Variants in CA5A observed in about 807,000 individuals in gnomAD.
CA5A encodes the protein carbonic anhydrase 5A, mitochondrial.
A neutral mutation model predicts 37.1 loss-of-function variants in CA5A; 28 were observed. The observed-to-expected ratio is 0.75, with a 90% confidence interval of 0.56 to 1.03. The LOEUF (loss-of-function observed/expected upper bound fraction) is 1.03. Among genes scored for constraint, CA5A ranks in the 50% least tolerant of loss-of-function variants. The probability of loss-of-function intolerance (pLI) is 0.00; values close to 1 mark genes in which losing one functional copy is unlikely to be tolerated. For synonymous variants in CA5A, 171 were observed against 158.4 expected, an observed-to-expected ratio of 1.08 and a Z score of -0.60; for missense variants, 444 against 399.9, an observed-to-expected ratio of 1.11 and a Z score of -0.94.
intron 5 of CA5A, chr16:87,893,603 A>T (rs2055757315): frequency 1.4e-6 from 1 of 697,028 alleles, no homozygotes; most frequent in Admixed American, 1.9e-5. Flanking sequence ...ACAAGAGGGG[A>T]AGCTGACAGA....
intron 2 of CA5A, among the ~76,000 whole-genome samples, chr16:87,910,894 C>T (rs2056040666): frequency 6.6e-6 from 1 of 152,022 alleles, no homozygotes. Context: ...GGATTATAGG[C>T]ACCCACCAGC....
At chr16:87,928,526 C>A (rs1376587868) in intron 1 of CA5A, among the ~76,000 whole-genome samples, 1 of 152,042 alleles carries the variant, frequency 6.6e-6, no homozygotes, top group African/African-American at 2.4e-5. Context: ...TGTATATTAT[C>A]TTGTAAGTTG....
intron 3 of CA5A, among the ~76,000 whole-genome samples, chr16:87,904,016 C>A (rs2055920106): frequency 6.6e-6 from 1 of 152,132 alleles, no homozygotes. Flanking sequence ...TCTACTGACT[C>A]CCACTTTGGA....
At chr16:87,898,103 C>T (rs1224349985) in intron 5 of CA5A, among the ~76,000 whole-genome samples, 3 of 152,298 alleles carry the variant, frequency 2.0e-5, no homozygotes, top group East Asian at 3.9e-4. Flanking sequence ...AGGGAGTGAC[C>T]GTGGCAGGCA....
intron 5 of CA5A, among the ~76,000 whole-genome samples, chr16:87,899,919 C>CAAAAAAAAAAAAAAAAAAAAA (rs565557401): frequency 4.3e-5 from 2 of 46,512 alleles, no homozygotes; most frequent in Admixed American, 3.6e-4. Context: ...GATTTTATCT[C>CAAAAAAAAAAAAAAAAAAAAA]AAAAAAAAAA....
intron 2 of CA5A, 144 bp from the exon 3 acceptor site, chr16:87,905,048 G>T (rs1365330214): frequency 7.2e-6 from 5 of 691,036 alleles, no homozygotes; most frequent in Non-Finnish European, 8.1e-6. Context: ...CCAAAGGTGG[G>T]CTCCGTGAAA....
At chr16:87,882,017 G>C (rs1365725259) in intron 4 of CA5A, 1 of 152,222 alleles carries the variant, frequency 6.6e-6, no homozygotes, top group African/African-American at 2.4e-5. Context: ...TGTCAACATG[G>C]GGCCGGTAGA....
chr16:87,889,757 G>A (rs925952596), intron 6 of CA5A, among the ~76,000 whole-genome samples: 1 of 151,878 alleles, frequency 6.6e-6, no homozygotes, highest in African/African-American at 2.4e-5. Flanking sequence ...GGCAAGAAGA[G>A]GGAAACTCCA....
intron 2 of CA5A, among the ~76,000 whole-genome samples, chr16:87,909,298 C>G (rs1187112867): frequency 6.6e-6 from 1 of 152,150 alleles, no homozygotes; most frequent in Non-Finnish European, 1.5e-5. Flanking sequence ...CATCTGCACG[C>G]CTGTACCTGA....
intron 4 of CA5A, 21 bp from the exon 5 acceptor site, chr16:87,901,995 G>A (rs769513594): frequency 1.2e-6 from 2 of 1,611,170 alleles, no homozygotes; most frequent in Non-Finnish European, 1.7e-6. Flanking sequence ...GACAAAGGAG[G>A]GGTTAGCTGC....
At chr16:87,924,102 G>A (rs1476762325) in intron 2 of CA5A, 11 of 985,294 alleles carry the variant, frequency 1.1e-5, no homozygotes, top group African/African-American at 3.5e-5. Context: ...CCTGGTCCCC[G>A]AAGCTGGCCT....
intron 5 of CA5A, among the ~76,000 whole-genome samples, chr16:87,899,812 C>T (rs2055852087): frequency 6.8e-6 from 1 of 147,164 alleles, no homozygotes; most frequent in Admixed American, 7.0e-5. Context: ...TCCAGCTACT[C>T]ATGAGGTTGA....
At chr16:87,882,494 A>G (rs990178723) in intron 4 of CA5A, 1 of 152,238 alleles carries the variant, frequency 6.6e-6, no homozygotes, top group Non-Finnish European at 1.5e-5. Flanking sequence ...AACTTGTCGC[A>G]ACTCAATGGG....
intron 5 of CA5A, among the ~76,000 whole-genome samples, chr16:87,901,640 G>T (rs2055879956): frequency 6.6e-6 from 1 of 151,150 alleles, no homozygotes; most frequent in African/African-American, 2.4e-5. Flanking sequence ...CCAGGCTGGA[G>T]TGCAATGACA....
At chr16:87,927,012 G>T (rs1283411923) in intron 1 of CA5A, 67 bp from the exon 2 acceptor site, 6 of 1,124,058 alleles carry the variant, frequency 5.3e-6, no homozygotes, top group Middle Eastern at 5.7e-4. Flanking sequence ...GACGGACAGG[G>T]CAGAAACCCG....
At chr16:87,924,930 G>A (rs1021541201) in intron 2 of CA5A, among the ~76,000 whole-genome samples, 1 of 152,320 alleles carries the variant, frequency 6.6e-6, no homozygotes, top group East Asian at 1.9e-4. Context: ...CCTTTGCAGT[G>A]GCCATCCCTT....
At chr16:87,923,769 T>C in intron 2 of CA5A, 1 of 985,222 alleles carries the variant, frequency 1.0e-6, no homozygotes, top group East Asian at 1.1e-4. Flanking sequence ...TATTAAAATA[T>C]CAGTGAGACC....
intron 5 of CA5A, among the ~76,000 whole-genome samples, chr16:87,892,573 A>T (rs2055735489): frequency 6.7e-6 from 1 of 148,460 alleles, no homozygotes; most frequent in Non-Finnish European, 1.5e-5. Flanking sequence ...TTAATAATAA[A>T]AATAAAAATA....
chr16:87,926,722 G>A, intron 2 of CA5A, 26 bp downstream of exon 2: 4 of 1,585,646 alleles, frequency 2.5e-6, no homozygotes, highest in East Asian at 2.2e-5. Flanking sequence ...AGAGGACAAA[G>A]CCCTCGAGCC....
Sources: gnomAD v4.1 joint callset for allele counts (sites outside exome capture counted in the v4.1 genomes callset) on GRCh38, gnomAD v4.1.1 for gene constraint, MANE v1.5 for transcripts, NCBI Gene and HGNC (gene_info 2026-07-23, HGNC 2026-07-21) for gene names.